The following FGD2 variants were observed in gnomAD, a reference collection of about 807,000 sequenced individuals.
FGD2 encodes the protein FYVE, RhoGEF and PH domain containing 2.
Under a neutral mutation model 75.9 loss-of-function variants are expected in FGD2, and 52 were observed. The ratio of observed to expected loss-of-function variants is 0.69; its 90% CI spans 0.55 to 0.86. The LOEUF (loss-of-function observed/expected upper bound fraction) is 0.86, where lower values mean the gene tolerates loss of function less well. FGD2 is among the 40% of genes least tolerant of loss of function. The pLI, the probability that FGD2 is intolerant of heterozygous loss-of-function variation, is 0.00. For synonymous variants in FGD2, 347 were observed against 348.6 expected (o/e 1.00, Z 0.05); for missense variants, 790 against 872.0 (o/e 0.91, Z 1.18).
rs769313082 is a variant in FGD2, at chr6:37,015,723, C to T, written c.1030-45C>T. The T allele has an allele frequency of 3.9e-6, 6 of 1,537,164 alleles. No individual in the cohort carries two copies. The African/African-American group carries it at 5.5e-5, about 14-fold the overall frequency. On this transcript the variant is annotated intron_variant, in intron 8 of 15. Transcript: ENST00000274963. ...CTCGGGGAAACCCCACCTAGCCATC[C>T]TCCCTGCCCCTGCCACGGGCCACTC...
At position 37,011,807 on chromosome 6, in the gene FGD2, C is replaced by T. The variant is rs12202642; in HGVS notation, c.480C>T (p.Phe160=). ...CCAACATCTCCTCCATCTATCAGTT[C>T]CATTCTCAGTTCTTCCTCCCAGAGC... ...IFSNISSIYQ[F]HSQFFLPELQ... The change falls in exon 4 of 16, where the codon TTC becomes TTT. Residue 160 remains phenylalanine, a synonymous_variant. Transcript: ENST00000274963. 94,381 of 1,614,066 alleles carry T rather than the reference C, an allele frequency of 0.058. 3,582 individuals carry two copies. The highest frequency in any genetic ancestry group is 0.16 in the South Asian group (14,538 of 91,042).
intron 12 of FGD2, 141 bp from the exon 13 acceptor site, chr6:37,022,098 A>G: frequency 8.5e-7 from 1 of 1,172,764 alleles, no homozygotes; most frequent in Non-Finnish European, 1.2e-6. Context: ...CAGGTCAGTC[A>G]GCTTGCTGTA....
chr6:37,015,737 C>T lies in FGD2; in HGVS notation c.1030-31C>T. ...ACCTAGCCATCCTCCCTGCCCCTGC[C>T]ACGGGCCACTCACGCCTGTGTCTCC... On this transcript the variant is annotated intron_variant, in intron 8 of 15. Transcript: ENST00000274963. The T allele has an allele frequency of 4.5e-6, 7 of 1,557,076 alleles. No homozygotes were observed. The South Asian group carries it at 8.3e-5, about 18-fold the overall frequency.
At chr6:37,026,185 C>A in intron 14 of FGD2, 1 of 985,458 alleles carries the variant, frequency 1.0e-6, no homozygotes, top group Non-Finnish European at 1.2e-6. Flanking sequence ...TTCTTCTGCA[C>A]TTCCTCTATG....
At chr6:37,019,760 T>A (rs1765475030) in intron 9 of FGD2, among the ~76,000 whole-genome samples, 1 of 152,196 alleles carries the variant, frequency 6.6e-6, no homozygotes, top group Non-Finnish European at 1.5e-5. Context: ...TTGCCCTCTC[T>A]GAGCATCCAT....
intron 12 of FGD2, chr6:37,021,860 A>G: frequency 4.1e-6 from 2 of 492,434 alleles, no homozygotes; most frequent in Non-Finnish European, 7.2e-6. Flanking sequence ...CTCCAGCTGC[A>G]GGGGGCAGTA....
At chr6:37,015,700 C>T (rs899444959) in intron 8 of FGD2, 68 bp from the exon 9 acceptor site, 11 of 1,451,986 alleles carry the variant, frequency 7.6e-6, no homozygotes, top group African/African-American at 5.6e-5. Context: ...GGCCCACCCT[C>T]GGGGAAACCC....
Position 37,019,184 on chromosome 6 carries a change from G to C in FGD2, c.1123-1357G>C, listed in dbSNP as rs922111088. On this transcript the variant is annotated intron_variant, in intron 9 of 15. Transcript: ENST00000274963. Reference sequence around the variant, plus strand: ...CTCTCCAGTGCACCTGGGCAGGCCAGGACCATTTATGATGTTGCTTCCTAA... The same window carrying C: ...CTCTCCAGTGCACCTGGGCAGGCCACGACCATTTATGATGTTGCTTCCTAA... 2.6e-5 allele frequency among the ~76,000 whole-genome samples: 4 copies of C among 152,336 alleles called. No homozygotes were observed. The South Asian group carries it at 6.2e-4, about 24-fold the overall frequency.
At chr6:37,007,376 A>G (rs1764802884) in intron 1 of FGD2, among the ~76,000 whole-genome samples, 2 of 152,170 alleles carry the variant, frequency 1.3e-5, no homozygotes, top group African/African-American at 4.8e-5. Flanking sequence ...CGTCCTGTTC[A>G]GCACCAAAGA....
intron 13 of FGD2, chr6:37,022,870 T>A (rs1018972589): frequency 6.4e-6 from 1 of 157,100 alleles, no homozygotes; most frequent in Non-Finnish European, 1.4e-5. Flanking sequence ...CTACCTCATC[T>A]GGCCCTCACA....
In FGD2 at chr6:37,015,791, T is replaced by TGTGCCCAGGGTGATCCAGGTGG; in HGVS notation, c.1055_1076dup (p.Phe362GlyfsTer28). The TGTGCCCAGGGTGATCCAGGTGG allele has an allele frequency of 6.3e-7, 1 of 1,595,474 alleles. No homozygotes were observed. The highest frequency in any genetic ancestry group is 1.1e-5 in the South Asian group (1 of 87,262). On this transcript the variant is annotated frameshift_variant, in exon 9 of 16. Transcript: ENST00000274963. LOFTEE classifies it high-confidence loss of function. ...AGTTCAACAACATGCTGCTCTACTG[T>TGTGCCCAGGGTGATCCAGGTGG]GTGCCCAGGGTGATCCAGGTGGGCG...
At position 37,011,742 on chromosome 6, in the gene FGD2, A is replaced by G. The variant is rs765785664; in HGVS notation, c.415A>G (p.Ser139Gly). ...FQELLKTARS[S>G]KAFPEDVVRV... is the part of the protein sequence containing the mutation. ...GGAGCTGCTGAAGACAGCCCGCAGC[A>G]GCAAGGCCTTCCCAGAGGATGTGGT... is the stretch of plus-strand genomic sequence containing the variant. The change falls in exon 4 of 16, where the codon AGC becomes GGC. Residue 139 changes from serine (S) to glycine (G), a missense_variant. Ser to Gly is a moderately conservative substitution (Grantham distance 56, BLOSUM62 0). Coordinates refer to ENST00000274963, the MANE Select transcript of FGD2 (RefSeq NM_173558.4). 5.0e-6 allele frequency: 8 copies of G among 1,614,068 alleles called. No individual in the cohort carries two copies. The East Asian group carries it at 1.6e-4, about 31-fold the overall frequency.
At chr6:37,022,059 T>C in intron 12 of FGD2, 180 bp from the exon 13 acceptor site, 1 of 788,320 alleles carries the variant, frequency 1.3e-6, no homozygotes, top group Non-Finnish European at 1.9e-6. Flanking sequence ...ATAGGAATAA[T>C]GGTAACTAAC....
At chr6:37,013,791 A>C (rs1320627204) in intron 5 of FGD2, 26 bp downstream of exon 5, 2 of 1,612,218 alleles carry the variant, frequency 1.2e-6, no homozygotes, top group South Asian at 2.2e-5. Context: ...GGCTGGAGTC[A>C]GCATTGCCAC....
chr6:37,013,562 G>T, intron 4 of FGD2, 47 bp from the exon 5 acceptor site: 1 of 1,591,306 alleles, frequency 6.3e-7, no homozygotes, highest in South Asian at 1.1e-5. Context: ...ATCTAGAGTC[G>T]AGAGGAGGTC....
Position 37,025,862 on chromosome 6 carries a change from G to GCCTCCACTGCTACGCATT in FGD2, c.1534_1551dup (p.His512_Leu517dup). ...GACGACAACAGGCCCAACCGAGTCT[G>GCCTCCACTGCTACGCATT]CCTCCACTGCTACGCATTCCTCACT... On this transcript the variant is annotated inframe_insertion, in exon 14 of 16. Transcript: ENST00000274963. The GCCTCCACTGCTACGCATT allele has an allele frequency of 8.1e-6, 13 of 1,614,226 alleles. No homozygotes were observed. The highest frequency in any genetic ancestry group is 1.1e-5 in the Non-Finnish European group (13 of 1,180,036).
At chr6:37,013,897 A>C in intron 5 of FGD2, 65 bp from the exon 6 acceptor site, 1 of 1,590,146 alleles carries the variant, frequency 6.3e-7, no homozygotes, top group Non-Finnish European at 8.6e-7. Context: ...TCCGGCCCTC[A>C]GGAGCAGCCT....
At chr6:37,009,088 G>A in intron 2 of FGD2, 23 bp downstream of exon 2, 2 of 1,608,370 alleles carry the variant, frequency 1.2e-6, no homozygotes. Flanking sequence ...TGAGGTAGAG[G>A]TGTGGGGTGC....
intron 1 of FGD2, among the ~76,000 whole-genome samples, chr6:37,006,438 G>A (rs1764756476): frequency 6.6e-6 from 1 of 152,094 alleles, no homozygotes; most frequent in African/African-American, 2.4e-5. Flanking sequence ...CAGCCTAATA[G>A]GGGTAGATTC....
Sources: gnomAD v4.1 joint callset for allele counts (sites outside exome capture counted in the v4.1 genomes callset) on GRCh38, gnomAD v4.1.1 for gene constraint, MANE v1.5 for transcripts, NCBI Gene and HGNC (gene_info 2026-07-23, HGNC 2026-07-21) for gene names.